Variants in EPCIP observed in about 807,000 individuals in gnomAD.
EPCIP encodes exosomal polycystin-1-interacting protein.
the EPCIP span, among the ~76,000 whole-genome samples, chr21:32,804,194 G>T: frequency 2.0e-5 from 3 of 151,706 alleles, no homozygotes; most frequent in African/African-American, 7.3e-5. Flanking sequence ...CGGAGAACCT[G>T]TCTGAGTCTT....
the EPCIP span, among the ~76,000 whole-genome samples, chr21:32,794,863 A>G: frequency 1.3e-5 from 2 of 152,180 alleles, no homozygotes; most frequent in Non-Finnish European, 2.9e-5. Context: ...CAAACATCCA[A>G]TTACTAGCAT....
chr21:32,811,683 T>C, the EPCIP span, among the ~76,000 whole-genome samples: 1 of 152,204 alleles, frequency 6.6e-6, no homozygotes, highest in Non-Finnish European at 1.5e-5. Flanking sequence ...ACCCTCATGC[T>C]AAATGCTATG....
chr21:32,792,722 A>G, the EPCIP span, among the ~76,000 whole-genome samples: 28 of 152,120 alleles, frequency 1.8e-4, no homozygotes, highest in Middle Eastern at 3.4e-3. Flanking sequence ...GTGTCCTCCA[A>G]TTTTCACTGC....
chr21:32,799,030 C>G, the EPCIP span: 1 of 152,058 alleles, frequency 6.6e-6, no homozygotes, highest in East Asian at 1.9e-4. Context: ...TATTAGGAGG[C>G]AAAAATACAT....
At chr21:32,812,836 A>C in the EPCIP span, among the ~76,000 whole-genome samples, 1 of 152,316 alleles carries the variant, frequency 6.6e-6, no homozygotes, top group East Asian at 1.9e-4. Context: ...AAATAAATGC[A>C]AGACTGTATA....
the EPCIP span, among the ~76,000 whole-genome samples, chr21:32,792,284 T>A: frequency 2.0e-5 from 3 of 152,360 alleles, no homozygotes; most frequent in South Asian, 4.1e-4. Context: ...TGGTTCCTTT[T>A]ATCAGCACAC....
the EPCIP span, among the ~76,000 whole-genome samples, chr21:32,810,855 C>G: frequency 6.6e-6 from 1 of 152,134 alleles, no homozygotes; most frequent in Non-Finnish European, 1.5e-5. Flanking sequence ...GTTACTGTAC[C>G]AGTAATTCAC....
At chr21:32,796,999 T>C in the EPCIP span, 4 of 389,678 alleles carry the variant, frequency 1.0e-5, no homozygotes, top group Non-Finnish European at 1.6e-5. Flanking sequence ...GAAAAGGATA[T>C]TGGTTTGCGG....
At chr21:32,809,290 TTC>T in the EPCIP span, among the ~76,000 whole-genome samples, 2 of 120,498 alleles carry the variant, frequency 1.7e-5, no homozygotes, top group South Asian at 2.8e-4. Context: ...CTTTCTTTCT[TTC>T]TTTCTTTCTT....
At chr21:32,795,116 G>A in the EPCIP span, among the ~76,000 whole-genome samples, 1 of 152,092 alleles carries the variant, frequency 6.6e-6, no homozygotes, top group Non-Finnish European at 1.5e-5. Flanking sequence ...CCTGTTCAGG[G>A]CCTCTTACAA....
the EPCIP span, chr21:32,793,639 G>C: frequency 3.5e-6 from 3 of 845,534 alleles, no homozygotes; most frequent in African/African-American, 5.0e-5. Context: ...GTTGCAAATG[G>C]AGCCTGCGGA....
chr21:32,792,131 C>T, the EPCIP span, among the ~76,000 whole-genome samples: 1,718 of 152,086 alleles, frequency 0.011, 34 homozygotes, highest in African/African-American at 0.039. Context: ...CTCGAACTCC[C>T]GACCTCAGGT....
At chr21:32,810,473 G>T in the EPCIP span, 1 of 424,866 alleles carries the variant, frequency 2.4e-6, no homozygotes, top group South Asian at 1.7e-5. Flanking sequence ...GTGTTAGCTA[G>T]GATGGTCTGA....
chr21:32,802,768 G>A, the EPCIP span, among the ~76,000 whole-genome samples: 1 of 152,182 alleles, frequency 6.6e-6, no homozygotes, highest in Non-Finnish European at 1.5e-5. Context: ...CAGTGGTACA[G>A]GGAGCAGGAG....
At chr21:32,804,275 T>TTTTATATATATATATATATATATATATA in the EPCIP span, among the ~76,000 whole-genome samples, 6 of 140,960 alleles carry the variant, frequency 4.3e-5, no homozygotes, top group African/African-American at 1.6e-4. Flanking sequence ...ATGCATGTGA[T>TTTTATATATATATATATATATATATATA]TATATATATA....
At chr21:32,809,334 T>TTCTC in the EPCIP span, among the ~76,000 whole-genome samples, 2 of 145,132 alleles carry the variant, frequency 1.4e-5, no homozygotes, top group African/African-American at 5.3e-5. Context: ...CTTTCTTTCT[T>TTCTC]TCTTTCTTTC....
the EPCIP span, among the ~76,000 whole-genome samples, chr21:32,809,712 G>C: frequency 0.97 from 148,308 of 152,140 alleles, 72,410 homozygotes; most frequent in East Asian, 1. Flanking sequence ...CCTCATGCTG[G>C]GTATGTTGCC....
chr21:32,809,288 CTTTCTTTCTTTCTTT>C, the EPCIP span, among the ~76,000 whole-genome samples: 62 of 116,774 alleles, frequency 5.3e-4, no homozygotes, highest in East Asian at 4.4e-3. Context: ...TCCTTTCTTT[CTTTCTTTCTTTCTTT>C]CTTTCTTTCT....
chr21:32,793,407 C>T, the EPCIP span, among the ~76,000 whole-genome samples: 1 of 152,156 alleles, frequency 6.6e-6, no homozygotes, highest in Admixed American at 6.5e-5. Flanking sequence ...CTAGGAGGAG[C>T]TCCACTAAGC....
Sources: allele counts gnomAD v4.1 joint callset (sites outside exome capture counted in the v4.1 genomes callset), GRCh38; gene constraint gnomAD v4.1.1; transcripts MANE v1.5; gene names NCBI Gene and HGNC (gene_info 2026-07-23, HGNC 2026-07-21).